Variants in NPSR1 observed in about 807,000 individuals in gnomAD.
The protein encoded by NPSR1 is neuropeptide S receptor.
NPSR1 carries 48 observed loss-of-function variants against 46.9 expected under a neutral mutation model. The observed-to-expected ratio is 1.02, with a 90% CI of 0.81 to 1.30. NPSR1 has a LOEUF of 1.30. Ranked by LOEUF, NPSR1 falls within the 50% of genes most tolerant of loss-of-function variation. NPSR1 has a pLI of 0.00. For synonymous variants in NPSR1, 176 were observed against 168.1 expected, an observed-to-expected ratio of 1.05 and a Z score of -0.36; for missense variants, 450 against 449.5, an observed-to-expected ratio of 1.00 and a Z score of -0.01.
intron 1 of NPSR1, among the ~76,000 whole-genome samples, chr7:34,662,203 C>T (rs449395): frequency 3.9e-5 from 6 of 151,982 alleles, no homozygotes; most frequent in Non-Finnish European, 8.8e-5. Context: ...TCTTTTATTG[C>T]GCCTCCTTCG....
At chr7:34,859,441 C>T (rs1409741348) in intron 8 of NPSR1, among the ~76,000 whole-genome samples, 4 of 151,436 alleles carry the variant, frequency 2.6e-5, no homozygotes, top group African/African-American at 9.8e-5. Flanking sequence ...GTGCATAATA[C>T]CCCACTATGC....
At chr7:34,808,267 T>C (rs1788807258) in intron 3 of NPSR1, among the ~76,000 whole-genome samples, 1 of 152,204 alleles carries the variant, frequency 6.6e-6, no homozygotes, top group African/African-American at 2.4e-5. Flanking sequence ...TCCAGAGCTG[T>C]GCGAGAATAA....
At chr7:34,767,749 A>G (rs1466511468) in intron 2 of NPSR1, among the ~76,000 whole-genome samples, 1 of 152,190 alleles carries the variant, frequency 6.6e-6, no homozygotes, top group East Asian at 1.9e-4. Context: ...GCATCAAATC[A>G]TAGATCCAAA....
intron 2 of NPSR1, among the ~76,000 whole-genome samples, chr7:34,760,311 C>T (rs1786106883): frequency 6.6e-6 from 1 of 152,192 alleles, no homozygotes; most frequent in South Asian, 2.1e-4. Context: ...CCAACAACAG[C>T]TACCCAGGTT....
chr7:34,733,418 T>TAAA (rs34203443), intron 2 of NPSR1, among the ~76,000 whole-genome samples: 3 of 131,780 alleles, frequency 2.3e-5, no homozygotes, highest in African/African-American at 8.6e-5. Flanking sequence ...GATTTTGTCT[T>TAAA]AAAAAAAAAA....
chr7:34,869,374 A>C (rs1173167432), intron 8 of NPSR1, among the ~76,000 whole-genome samples: 1 of 151,822 alleles, frequency 6.6e-6, no homozygotes, highest in African/African-American at 2.4e-5. Context: ...ATTTGATGAC[A>C]TCAGATCCTA....
At chr7:34,685,298 AAGTT>A (rs1792870568) in intron 2 of NPSR1, among the ~76,000 whole-genome samples, 2 of 152,170 alleles carry the variant, frequency 1.3e-5, no homozygotes, top group South Asian at 4.1e-4. Flanking sequence ...TGATCTGTGA[AAGTT>A]AGGGCCCCAA....
chr7:34,851,851 C>A (rs758112517), downstream of NPSR1, among the ~76,000 whole-genome samples: 1 of 152,034 alleles, frequency 6.6e-6, no homozygotes, highest in Non-Finnish European at 1.5e-5. Flanking sequence ...TCTCATTTCC[C>A]GAGAAGACTG....
At chr7:34,709,821 C>T (rs35783258) in intron 2 of NPSR1, among the ~76,000 whole-genome samples, 1,674 of 151,990 alleles carry the variant, frequency 0.011, 29 homozygotes, top group African/African-American at 0.039. Flanking sequence ...TTTATATGTC[C>T]TAACACTCTA....
At chr7:34,664,586 C>T (rs1791642660) in intron 1 of NPSR1, among the ~76,000 whole-genome samples, 1 of 149,912 alleles carries the variant, frequency 6.7e-6, no homozygotes, top group Admixed American at 6.6e-5. Flanking sequence ...AAACAATGGT[C>T]ATGAATTAAG....
chr7:34,843,324 G>A (rs913543243), intron 6 of NPSR1, among the ~76,000 whole-genome samples: 2 of 152,224 alleles, frequency 1.3e-5, no homozygotes, highest in Non-Finnish European at 2.9e-5. Flanking sequence ...GAGGGCGAAA[G>A]CGAGCACACA....
chr7:34,700,024 A>G (rs1233632148), intron 2 of NPSR1, among the ~76,000 whole-genome samples: 1 of 152,192 alleles, frequency 6.6e-6, no homozygotes, highest in Non-Finnish European at 1.5e-5. Context: ...ATGAAATGAG[A>G]AAACACATAC....
rs1306931353 is a variant in NPSR1 at position 34,790,919 on chromosome 7, T to C, written c.384+12354T>C. Among the ~76,000 whole-genome samples, 18 of 129,570 alleles carry C rather than the reference T, an allele frequency of 1.4e-4. No individual in the cohort carries two copies. In the East Asian group the frequency reaches 3.8e-3, roughly 27 times the overall value. 85.0% of individuals were successfully genotyped at this position (129,570 alleles called of 152,430 possible). A position where few individuals can be genotyped will look rare whatever the true frequency, so the allele number is the denominator to read the frequency against. ...ATGTTATATGTTATATTATATATCA[T>C]ATATGTTATATGTTATATTATATAT... On this transcript the variant is annotated intron_variant, in intron 3 of 8. Coordinates refer to ENST00000360581, the MANE Select transcript of NPSR1 (RefSeq NM_207172.2).
chr7:34,683,975 C>T (rs1792790531), intron 1 of NPSR1, among the ~76,000 whole-genome samples: 1 of 152,134 alleles, frequency 6.6e-6, no homozygotes, highest in South Asian at 2.1e-4. Context: ...CATAATTACA[C>T]CCTAATATGA....
At chr7:34,683,232 A>T (rs1792741361) in intron 1 of NPSR1, among the ~76,000 whole-genome samples, 1 of 152,054 alleles carries the variant, frequency 6.6e-6, no homozygotes, top group Non-Finnish European at 1.5e-5. Context: ...TCACTAGGTC[A>T]GGAGATTGAG....
intron 2 of NPSR1, among the ~76,000 whole-genome samples, chr7:34,709,652 C>G (rs1331869939): frequency 1.3e-5 from 2 of 152,150 alleles, no homozygotes; most frequent in Non-Finnish European, 2.9e-5. Context: ...CTATAACTTA[C>G]TTATTTATTG....
chr7:34,860,846 C>T (rs1203667255), intron 8 of NPSR1, among the ~76,000 whole-genome samples: 1 of 151,828 alleles, frequency 6.6e-6, no homozygotes, highest in Non-Finnish European at 1.5e-5. Flanking sequence ...TCCTTCCCCA[C>T]TCTCCCCACT....
Position 34,818,466 on chromosome 7 carries a change from T to A in NPSR1, c.478+6603T>A, listed in dbSNP as rs189510383. On this transcript the variant is annotated intron_variant, in intron 4 of 8. Transcript: ENST00000360581. The stretch of plus-strand genomic sequence containing the variant: ...ATTCCATGCTCATGGATAGGAAGAA[T>A]CCATATAGTGAAAATGGCCATACTG... 3.4e-3 allele frequency among the ~76,000 whole-genome samples: 521 copies of A among 152,218 alleles called. 3 individuals are homozygous for A. The highest frequency in any genetic ancestry group is 0.012 in the African/African-American group (506 of 41,514).
intron 2 of NPSR1, among the ~76,000 whole-genome samples, chr7:34,725,942 C>T (rs911574058): frequency 2.0e-5 from 3 of 152,124 alleles, no homozygotes; most frequent in Non-Finnish European, 4.4e-5. Context: ...GGGAGTTCCC[C>T]TGCACAAGCT....
Sources: gnomAD v4.1 joint callset for allele counts (sites outside exome capture counted in the v4.1 genomes callset) on GRCh38, gnomAD v4.1.1 for gene constraint, MANE v1.5 for transcripts, NCBI Gene and HGNC (gene_info 2026-07-23, HGNC 2026-07-21) for gene names.